The following RTF1 variants were observed in gnomAD, a reference collection of about 807,000 sequenced individuals.
The protein encoded by RTF1 is RTF1 homolog, Paf1/RNA polymerase II complex component.
Under a neutral mutation model 95.7 loss-of-function variants are expected in RTF1, and 10 were observed. The ratio of observed to expected loss-of-function variants is 0.10; its 90% CI spans 0.06 to 0.18. The LOEUF is 0.18. RTF1 is among the 10% of genes least tolerant of loss of function. The pLI, the probability that RTF1 is intolerant of heterozygous loss-of-function variation, is 1.00. For missense variants in RTF1, 458 were observed against 875.6 expected (o/e 0.52, Z 6.02); for synonymous variants, 305 against 311.8 (o/e 0.98, Z 0.23).
chr15:41,451,634 C>G (rs1196991609), intron 2 of RTF1, among the ~76,000 whole-genome samples: 1 of 152,160 alleles, frequency 6.6e-6, no homozygotes, highest in East Asian at 1.9e-4. Context: ...ATGTACTTTA[C>G]TTTCTGCCTC....
intron 2 of RTF1, among the ~76,000 whole-genome samples, chr15:41,449,115 C>A (rs1202460509): frequency 6.6e-6 from 1 of 151,978 alleles, no homozygotes; most frequent in Non-Finnish European, 1.5e-5. Context: ...GAACCCTGAG[C>A]TCAAGCAATC....
At chr15:41,478,730 T>C (rs796250976) in intron 15 of RTF1, 105 bp downstream of exon 15, 2 of 1,029,802 alleles carry the variant, frequency 1.9e-6, no homozygotes, top group African/African-American at 3.1e-5. Flanking sequence ...TTTTCTTAGC[T>C]GGGATTTGCT....
intron 1 of RTF1, among the ~76,000 whole-genome samples, chr15:41,424,174 T>C (rs1004939315): frequency 7.2e-5 from 11 of 152,148 alleles, no homozygotes; most frequent in African/African-American, 2.4e-4. Flanking sequence ...AGAGATGAGG[T>C]GGGGAGATTG....
At chr15:41,426,165 G>T (rs2050628218) in intron 1 of RTF1, among the ~76,000 whole-genome samples, 1 of 151,936 alleles carries the variant, frequency 6.6e-6, no homozygotes, top group Non-Finnish European at 1.5e-5. Context: ...TCGCTCTGTT[G>T]CCTAGGCTGG....
chr15:41,434,670 C>T (rs916143624), intron 1 of RTF1, among the ~76,000 whole-genome samples: 40 of 151,260 alleles, frequency 2.6e-4, no homozygotes, highest in African/African-American at 9.0e-4. Context: ...CACTGTCACC[C>T]GGGCTGGAGT....
chr15:41,474,467 C>G (rs1689309068), intron 8 of RTF1, 153 bp from the exon 9 acceptor site: 1 of 652,942 alleles, frequency 1.5e-6, no homozygotes, highest in African/African-American at 1.8e-5. Context: ...GATTCTAAAC[C>G]TGAGAAACCT....
intron 1 of RTF1, among the ~76,000 whole-genome samples, chr15:41,421,785 G>A (rs558873717): frequency 8.6e-5 from 13 of 150,634 alleles, no homozygotes; most frequent in African/African-American, 2.9e-4. Context: ...TACAGCTCAC[G>A]GCTGTAGCGT....
At chr15:41,469,690 T>A (rs2050899822) in intron 6 of RTF1, among the ~76,000 whole-genome samples, 2 of 152,056 alleles carry the variant, frequency 1.3e-5, no homozygotes, top group African/African-American at 4.8e-5. Flanking sequence ...AATGCCTGGC[T>A]AATTTTTGTA....
At chr15:41,457,650 T>G (rs748238332) in intron 3 of RTF1, 22 bp from the exon 4 acceptor site, 6 of 1,612,592 alleles carry the variant, frequency 3.7e-6, no homozygotes, top group Non-Finnish European at 2.5e-6. Context: ...AGTGTAATCT[T>G]GTGTTTGGGC....
intron 8 of RTF1, among the ~76,000 whole-genome samples, chr15:41,471,896 A>AT (rs961768016): frequency 6.6e-6 from 1 of 151,626 alleles, no homozygotes; most frequent in African/African-American, 2.4e-5. Flanking sequence ...CATTATTATT[A>AT]TTTTTTTATT....
chr15:41,443,607 A>T (rs1157244054), intron 2 of RTF1, among the ~76,000 whole-genome samples: 2 of 151,996 alleles, frequency 1.3e-5, no homozygotes, highest in African/African-American at 4.8e-5. Context: ...GGGGTTAAAA[A>T]AAAAAACGGC....
In RTF1 at chr15:41,453,040, C is replaced by G; in HGVS notation, c.449C>G (p.Pro150Arg). ...GACAGTTCAGCTGAGAGCTCAGCCC[C>G]TGAGGAAGGTGAGCTGAGCAGCCTA... ...DKDSSAESSAPEEGEVSDSDS... is the reference protein window; with the variant it reads ...DKDSSAESSAREEGEVSDSDS... The change falls in exon 3 of 18, where the codon CCT becomes CGT. Residue 150 changes from proline (P) to arginine (R), a missense_variant. Around this residue, in one of 11 missense-constraint regions of RTF1, gnomAD observed 39 missense variants for 38.4 expected, o/e 1.02. Coordinates refer to ENST00000389629, the MANE Select transcript of RTF1 (RefSeq NM_015138.5). 1 of 1,593,216 alleles carries G rather than the reference C, an allele frequency of 6.3e-7. No homozygotes were observed.
chr15:41,427,537 G>A (rs1307519477), intron 1 of RTF1, among the ~76,000 whole-genome samples: 1 of 152,072 alleles, frequency 6.6e-6, no homozygotes. Flanking sequence ...TACATAAGCT[G>A]GGTGTAGTGG....
intron 3 of RTF1, among the ~76,000 whole-genome samples, chr15:41,455,006 G>A (rs1006003724): frequency 1.3e-5 from 2 of 152,098 alleles, no homozygotes; most frequent in African/African-American, 2.4e-5. Flanking sequence ...GCACCAACAA[G>A]TGGATAAAGA....
At chr15:41,417,771 G>GTT (rs1009947673) in intron 1 of RTF1, among the ~76,000 whole-genome samples, 4 of 152,224 alleles carry the variant, frequency 2.6e-5, no homozygotes, top group African/African-American at 9.6e-5. Context: ...GAAGATGGAA[G>GTT]TTTTTCGGAC....
At chr15:41,425,151 G>A (rs565797616) in intron 1 of RTF1, among the ~76,000 whole-genome samples, 2 of 152,162 alleles carry the variant, frequency 1.3e-5, no homozygotes, top group Admixed American at 6.5e-5. Flanking sequence ...TGCCCAGGCC[G>A]GACTGCAGTG....
chr15:41,445,848 A>G (rs941411587), intron 2 of RTF1, among the ~76,000 whole-genome samples: 1 of 147,960 alleles, frequency 6.8e-6, no homozygotes, highest in Non-Finnish European at 1.5e-5. Flanking sequence ...CAATTCTTGT[A>G]CTTCAGTCTT....
chr15:41,453,639 C>T (rs913076402), intron 3 of RTF1, among the ~76,000 whole-genome samples: 2 of 151,356 alleles, frequency 1.3e-5, no homozygotes, highest in East Asian at 1.9e-4. Context: ...AGGCGAGAGG[C>T]TTGCTTGAGC....
intron 1 of RTF1, among the ~76,000 whole-genome samples, chr15:41,433,044 G>A (rs537377042): frequency 7.6e-4 from 116 of 152,022 alleles, no homozygotes; most frequent in African/African-American, 2.7e-3. Context: ...TCAGGAGTTC[G>A]AGACCATCCT....
Sources: gnomAD v4.1 joint callset for allele counts (sites outside exome capture counted in the v4.1 genomes callset) on GRCh38, gnomAD v4.1.1 for gene constraint, gnomAD v4.1.1 regional missense constraint, MANE v1.5 for transcripts, NCBI Gene and HGNC (gene_info 2026-07-23, HGNC 2026-07-21) for gene names.